Variants in BMAL1 observed in about 807,000 individuals in gnomAD.
BMAL1 encodes basic helix-loop-helix ARNT like 1.
chr11:13,354,488 G>C, the BMAL1 span: 1 of 1,602,648 alleles, frequency 6.2e-7, no homozygotes, highest in Non-Finnish European at 8.5e-7. Context: ...GTTAAACTTG[G>C]TGTCAGTTCT....
the BMAL1 span, among the ~76,000 whole-genome samples, chr11:13,278,926 T>G: frequency 6.6e-6 from 1 of 152,124 alleles, no homozygotes; most frequent in East Asian, 1.9e-4. Flanking sequence ...GGGCGCATGT[T>G]AGCCTCCCCG....
At chr11:13,280,348 G>T in the BMAL1 span, among the ~76,000 whole-genome samples, 1 of 152,226 alleles carries the variant, frequency 6.6e-6, no homozygotes. Flanking sequence ...AACAATCTCT[G>T]TGGAATTTAT....
At chr11:13,297,651 C>T in the BMAL1 span, among the ~76,000 whole-genome samples, 2 of 152,200 alleles carry the variant, frequency 1.3e-5, no homozygotes, top group East Asian at 3.8e-4. Context: ...AAACTGTGAG[C>T]CTGCCCTTTC....
At chr11:13,318,741 G>A in the BMAL1 span, among the ~76,000 whole-genome samples, 1 of 151,950 alleles carries the variant, frequency 6.6e-6, no homozygotes, top group Admixed American at 6.5e-5. Context: ...TCTGGAGGGT[G>A]GAGAGGAGAC....
At chr11:13,385,742 G>T in the BMAL1 span, 2 of 1,613,800 alleles carry the variant, frequency 1.2e-6, no homozygotes, top group Non-Finnish European at 1.7e-6. Context: ...TATCAGGCCA[G>T]GCTCAGGAGA....
At chr11:13,297,086 T>G in the BMAL1 span, among the ~76,000 whole-genome samples, 1 of 152,202 alleles carries the variant, frequency 6.6e-6, no homozygotes, top group Non-Finnish European at 1.5e-5. Flanking sequence ...ACATCCAGTT[T>G]GCGCTGTAGT....
chr11:13,344,128 C>A, the BMAL1 span, among the ~76,000 whole-genome samples: 1 of 152,142 alleles, frequency 6.6e-6, no homozygotes, highest in Non-Finnish European at 1.5e-5. Context: ...GCCAGGCCAC[C>A]CGGCAAACCC....
At chr11:13,283,096 A>G in the BMAL1 span, among the ~76,000 whole-genome samples, 6 of 152,334 alleles carry the variant, frequency 3.9e-5, no homozygotes, top group South Asian at 8.3e-4. Flanking sequence ...CTGGCATGTA[A>G]TGGAGAGTGG....
chr11:13,354,572 A>G, the BMAL1 span: 1 of 1,346,532 alleles, frequency 7.4e-7, no homozygotes, highest in Non-Finnish European at 9.9e-7. Context: ...ACCCAACTCT[A>G]GGTGGCGACA....
the BMAL1 span, among the ~76,000 whole-genome samples, chr11:13,383,785 AG>A: frequency 1.7e-4 from 26 of 152,134 alleles, no homozygotes; most frequent in Non-Finnish European, 3.5e-4. Context: ...CAGGAGGTTG[AG>A]GCTGCAGTGA....
the BMAL1 span, among the ~76,000 whole-genome samples, chr11:13,367,018 T>C: frequency 1.3e-5 from 2 of 152,262 alleles, no homozygotes; most frequent in Non-Finnish European, 2.9e-5. Context: ...AGAAGAGCTA[T>C]TTAGACTGGA....
the BMAL1 span, chr11:13,360,349 C>T: frequency 4.3e-6 from 7 of 1,612,616 alleles, no homozygotes; most frequent in Admixed American, 1.7e-5. Context: ...CCTAAGGTGC[C>T]ACCAATCCAT....
At chr11:13,356,299 A>G in the BMAL1 span, 3 of 460,042 alleles carry the variant, frequency 6.5e-6, no homozygotes, top group Non-Finnish European at 1.3e-5. Flanking sequence ...TCCCTGCCAA[A>G]TAGATATGTA....
the BMAL1 span, among the ~76,000 whole-genome samples, chr11:13,296,842 G>T: frequency 6.6e-6 from 1 of 152,208 alleles, no homozygotes; most frequent in African/African-American, 2.4e-5. Flanking sequence ...TAAATTCATA[G>T]TCAGACTCAG....
chr11:13,358,377 C>A, the BMAL1 span: 1 of 1,435,760 alleles, frequency 7.0e-7, no homozygotes, highest in Non-Finnish European at 9.2e-7. Flanking sequence ...TTTTTGTCAT[C>A]TTTTCTTGAT....
chr11:13,321,699 C>G, the BMAL1 span, among the ~76,000 whole-genome samples: 8 of 152,176 alleles, frequency 5.3e-5, no homozygotes, highest in Admixed American at 4.6e-4. Context: ...GGTCACACAT[C>G]AGTCATAATT....
the BMAL1 span, among the ~76,000 whole-genome samples, chr11:13,322,613 T>C: frequency 1.2e-4 from 18 of 151,860 alleles, no homozygotes; most frequent in Non-Finnish European, 1.5e-5. Context: ...AGAAATAGAG[T>C]CACTGACCTC....
chr11:13,344,085 T>C, the BMAL1 span, among the ~76,000 whole-genome samples: 1 of 152,146 alleles, frequency 6.6e-6, no homozygotes, highest in African/African-American at 2.4e-5. Flanking sequence ...CTGCATATAG[T>C]GCTGTCCTCT....
chr11:13,345,348 C>G, the BMAL1 span, among the ~76,000 whole-genome samples: 4 of 152,196 alleles, frequency 2.6e-5, no homozygotes, highest in Non-Finnish European at 5.9e-5. Flanking sequence ...CTTGCTCAGG[C>G]CTGTCCTGAT....
Sources: allele counts gnomAD v4.1 joint callset (sites outside exome capture counted in the v4.1 genomes callset), GRCh38; gene constraint gnomAD v4.1.1; transcripts MANE v1.5; gene names NCBI Gene and HGNC (gene_info 2026-07-23, HGNC 2026-07-21).